Variants in NELFCD observed in about 807,000 individuals in gnomAD.
NELFCD encodes the protein negative elongation factor C/D.
In NELFCD, 48 loss-of-function variants were observed where a neutral mutation model predicts 72.9. The ratio of observed to expected loss-of-function variants is 0.66; its 90% CI spans 0.52 to 0.84. The LOEUF (loss-of-function observed/expected upper bound fraction) is 0.84, where lower values mean the gene tolerates loss of function less well. Among genes scored for constraint, NELFCD ranks in the 40% least tolerant of loss-of-function variants. NELFCD has a pLI of 0.00. For missense variants in NELFCD, 538 were observed against 723.8 expected (o/e 0.74, Z 2.94); for synonymous variants, 297 against 280.6 (o/e 1.06, Z -0.59).
intron 3 of NELFCD, chr20:58,987,358 G>A (rs115505965): frequency 2.6e-4 from 80 of 305,872 alleles, no homozygotes; most frequent in African/African-American, 1.6e-3. Context: ...TTAGATACAA[G>A]TGTGTCTCTT....
At chr20:58,981,965 T>C (rs1257878780) in intron 1 of NELFCD, among the ~76,000 whole-genome samples, 1 of 151,846 alleles carries the variant, frequency 6.6e-6, no homozygotes, top group Non-Finnish European at 1.5e-5. Flanking sequence ...GAGGGATCAC[T>C]GTTCCACCCT....
At chr20:58,989,781 G>C in intron 6 of NELFCD, 77 bp from the exon 7 acceptor site, 2 of 1,609,474 alleles carry the variant, frequency 1.2e-6, no homozygotes, top group South Asian at 1.1e-5. Context: ...GCCCGAGCAC[G>C]GTGGAGGCTT....
At chr20:58,983,259 C>G (rs1260605754) in intron 1 of NELFCD, among the ~76,000 whole-genome samples, 3 of 150,804 alleles carry the variant, frequency 2.0e-5, no homozygotes, top group Non-Finnish European at 4.4e-5. Flanking sequence ...GTCTCAGCCT[C>G]CTGAGTAGCT....
At position 58,988,944 on chromosome 20, in the gene NELFCD, C is replaced by T. The variant is rs865935682; in HGVS notation, c.427C>T (p.His143Tyr). 6.2e-7 allele frequency: 1 copy of T among 1,614,092 alleles called. No individual in the cohort carries two copies. The highest frequency in any genetic ancestry group is 8.5e-7 in the Non-Finnish European group (1 of 1,180,018). Reference sequence around the variant, plus strand: ...AGCGTGGCTGGAACAGATGATTGCACATACCACGTGGCGGGACCTTTTTTA... The same window carrying T: ...AGCGTGGCTGGAACAGATGATTGCATATACCACGTGGCGGGACCTTTTTTA... ...TPAWLEQMIAHTTWRDLFYKL... is the reference protein window; with the variant it reads ...TPAWLEQMIAYTTWRDLFYKL... Residue 143 changes from histidine (H) to tyrosine (Y), a missense_variant, in exon 5 of 15, where the codon CAT (histidine) becomes TAT (tyrosine). By Grantham distance (83) the His-to-Tyr change is moderately conservative. This residue lies in a region of NELFCD where 355 missense variants were observed against 534.5 expected (regional missense o/e 0.66). Coordinates refer to ENST00000652272, the MANE Select transcript of NELFCD (RefSeq NM_198976.4).
chr20:58,989,695 T>A (rs1303091017), intron 6 of NELFCD, 55 bp downstream of exon 6: 1 of 1,612,372 alleles, frequency 6.2e-7, no homozygotes, highest in Non-Finnish European at 8.5e-7. Context: ...TGGGTCTTGG[T>A]TTTCAAGCAT....
At chr20:58,985,755 T>C (rs1402291326) in intron 1 of NELFCD, among the ~76,000 whole-genome samples, 1 of 152,204 alleles carries the variant, frequency 6.6e-6, no homozygotes, top group Admixed American at 6.5e-5. Context: ...AAAAATTAGC[T>C]CATGGAATCC....
rs1409660041 is a variant in NELFCD, at chr20:58,993,874, T to C, written c.1581+110T>C. On this transcript the variant is annotated intron_variant, in intron 13 of 14. Coordinates refer to ENST00000652272, the MANE Select transcript of NELFCD (RefSeq NM_198976.4). This position sits in a 1 kb window ranked among gnomAD's most constrained non-coding sequence, Gnocchi z 5.0. ...TAACTGAGAACTGTGCTTTCTGATG[T>C]AGTGATGACAATGACAGATACTCGT... is the stretch of plus-strand genomic sequence containing the variant. 2 of 1,313,964 alleles carry C rather than the reference T, an allele frequency of 1.5e-6. No homozygotes were observed. Among genetic ancestry groups the C allele is most frequent in the Non-Finnish European group, 2.1e-6 (2 of 940,322 alleles). The allele number at this position is 1,313,964 out of a possible 1,614,324, so 81.4% of individuals were successfully genotyped here.
chr20:58,983,159 CAG>C (rs1202722489), intron 1 of NELFCD, among the ~76,000 whole-genome samples: 2 of 144,742 alleles, frequency 1.4e-5, no homozygotes, highest in Non-Finnish European at 3.0e-5. Flanking sequence ...TTTTTTGAGA[CAG>C]AGTCTCGCTT....
chr20:58,990,136 C>A, intron 7 of NELFCD, 148 bp downstream of exon 7: 1 of 1,055,294 alleles, frequency 9.5e-7, no homozygotes, highest in Non-Finnish European at 1.3e-6. Context: ...GTGGCTCACG[C>A]CTGTAATCCC....
intron 10 of NELFCD, 149 bp from the exon 11 acceptor site, chr20:58,992,849 A>C (rs2091827310): frequency 1.1e-5 from 1 of 95,168 alleles, no homozygotes. Context: ...ACCCTGTCTC[A>C]AAAAAAAAAA....
At position 58,989,606 on chromosome 20, in the gene NELFCD, A is replaced by T; in HGVS notation, c.623A>T (p.Glu208Val). 1 of 1,614,064 alleles carries T rather than the reference A, an allele frequency of 6.2e-7. No individual in the cohort carries two copies. Among genetic ancestry groups the T allele is most frequent in the Non-Finnish European group, 8.5e-7 (1 of 1,180,002 alleles). Residue 208 changes from glutamate to valine, a missense_variant, in exon 6 of 15, where the codon GAA becomes GTA. This residue lies in a region of NELFCD where 355 missense variants were observed against 534.5 expected (regional missense o/e 0.66). Coordinates refer to ENST00000652272, the MANE Select transcript of NELFCD (RefSeq NM_198976.4). ...CTAGCTACAATTTTAGATGGAGGAG[A>T]AGAAAACCTTGAAAAAAATCTCCCT... ...TSLATILDGGEENLEKNLPEF... is the reference protein window; with the variant it reads ...TSLATILDGGVENLEKNLPEF...
Position 58,986,818 on chromosome 20 carries a change from G to A in NELFCD, c.241G>A (p.Val81Met). The change falls in exon 3 of 15, where the codon GTG (valine) becomes ATG (methionine). Residue 81 changes from valine to methionine, a missense_variant. Val to Met is a conservative substitution (Grantham distance 21). This residue lies in a region of NELFCD where 355 missense variants were observed against 534.5 expected (regional missense o/e 0.66). Coordinates refer to ENST00000652272, the MANE Select transcript of NELFCD (RefSeq NM_198976.4). The surrounding 1 kb of genome is among the most constrained non-coding windows in gnomAD (Gnocchi z 4.4). ...GCTCTTATCTGAAAACTACACCGCT[G>A]TGGCCCAGACTGTGAACCTGCTGGC... ...IQLLSENYTA[V>M]AQTVNLLAEW... 6 of 1,614,104 alleles carry A rather than the reference G, an allele frequency of 3.7e-6. No homozygotes were observed. The highest frequency in any genetic ancestry group is 5.1e-6 in the Non-Finnish European group (6 of 1,180,002).
chr20:58,988,780 C>A, intron 4 of NELFCD, 134 bp from the exon 5 acceptor site: 1 of 635,970 alleles, frequency 1.6e-6, no homozygotes, highest in Middle Eastern at 4.3e-4. Context: ...AGCTCTGGGT[C>A]TGCCTCCCCC....
At chr20:58,981,586 C>T (rs1027945301) in intron 1 of NELFCD, among the ~76,000 whole-genome samples, 30 of 150,140 alleles carry the variant, frequency 2.0e-4, no homozygotes, top group Admixed American at 2.0e-4. Context: ...TCCCCGCCTC[C>T]TCGCCTGCAG....
chr20:58,982,565 GGGT>G (rs1203245303), intron 1 of NELFCD, among the ~76,000 whole-genome samples: 1 of 152,244 alleles, frequency 6.6e-6, no homozygotes, highest in Non-Finnish European at 1.5e-5. Context: ...TGATAAACAT[GGGT>G]GGTGGTGTGA....
intron 9 of NELFCD, 114 bp downstream of exon 9, chr20:58,991,560 C>T (rs989172086): frequency 8.1e-7 from 1 of 1,230,170 alleles, no homozygotes; most frequent in Non-Finnish European, 1.1e-6. Context: ...TAGTATCAGG[C>T]ATGTGTTTTC....
chr20:58,986,601 C>T lies in NELFCD; in HGVS notation c.177-153C>T, dbSNP rs2091774488. 5.8e-6 allele frequency: 4 copies of T among 693,724 alleles called. No individual in the cohort carries two copies. Among genetic ancestry groups the T allele is most frequent in the Non-Finnish European group, 1.0e-5 (4 of 387,652 alleles). 43.0% of individuals were successfully genotyped at this position (693,724 alleles called of 1,614,324 possible). A position where few individuals can be genotyped will look rare whatever the true frequency, so the allele number is the denominator to read the frequency against. Reference sequence around the variant, plus strand: ...CAAGTGATTCTCCCACCTCTGCCTCCCAAAGTGCTGGGATTACAGGTGTGC... The same window carrying T: ...CAAGTGATTCTCCCACCTCTGCCTCTCAAAGTGCTGGGATTACAGGTGTGC... On this transcript the variant is annotated intron_variant, in intron 2 of 14. Coordinates refer to ENST00000652272, the MANE Select transcript of NELFCD (RefSeq NM_198976.4). This position sits in a 1 kb window ranked among gnomAD's most constrained non-coding sequence, Gnocchi z 4.4.
At position 58,987,696 on chromosome 20, in the gene NELFCD, A is replaced by G. The variant is rs1569057580; in HGVS notation, c.287-12A>G. 1.9e-6 allele frequency: 3 copies of G among 1,609,886 alleles called. No homozygotes were observed. The highest frequency in any genetic ancestry group is 1.1e-5 in the South Asian group (1 of 90,682). On this transcript the variant is annotated splice_polypyrimidine_tract_variant and intron_variant, in intron 3 of 14. Transcript: ENST00000652272. ...AGCTTGCCATTGTCTAGTTGCTTTT[A>G]TTCTCTTTCAGGTGTTGAGCCAGTG...
rs187674152 is a variant in NELFCD at position 58,986,484 on chromosome 20, C to T, written c.177-270C>T. On this transcript the variant is annotated intron_variant, in intron 2 of 14. Transcript: ENST00000652272. This position sits in a 1 kb window ranked among gnomAD's most constrained non-coding sequence, Gnocchi z 4.4. ...AGCCTTGCAAGGTGGCCACCACAGG[C>T]GTCTGCCATCATGCCTGGCTATTTT... 3,582 of 554,028 alleles carry T rather than the reference C, an allele frequency of 6.5e-3. 43 individuals carry two copies. The highest frequency in any genetic ancestry group is 5.1e-3 in the Non-Finnish European group (1,609 of 316,534). The allele number at this position is 554,028 out of a possible 1,614,324, so 34.3% of individuals were successfully genotyped here.
Sources: allele counts gnomAD v4.1 joint callset (sites outside exome capture counted in the v4.1 genomes callset), GRCh38; gene constraint gnomAD v4.1.1; regional missense constraint gnomAD v4.1.1; non-coding constraint Gnocchi (gnomAD v3.1); transcripts MANE v1.5; gene names NCBI Gene and HGNC (gene_info 2026-07-23, HGNC 2026-07-21).